GAK: variants seen among roughly 807,000 people sequenced by gnomAD.
GAK encodes cyclin G associated kinase.
GAK carries 79 observed loss-of-function variants against 143.9 expected under a neutral mutation model. The ratio of observed to expected loss-of-function variants is 0.55; its 90% confidence interval spans 0.46 to 0.66. GAK has a LOEUF of 0.66. Among genes scored for constraint, GAK ranks in the 30% least tolerant of loss-of-function variants. The probability of loss-of-function intolerance (pLI) is 0.00; values close to 1 mark genes in which losing one functional copy is unlikely to be tolerated. For missense variants in GAK, 1,693 were observed against 1,779.7 expected (o/e 0.95, Z 0.88); for synonymous variants, 881 against 765.5 (o/e 1.15, Z -2.49).
chr4:866,932 C>G (rs553049253), intron 21 of GAK, 24 bp downstream of exon 21: 6 of 1,422,998 alleles, frequency 4.2e-6, no homozygotes, highest in Non-Finnish European at 4.7e-6. Context: ...TGAAGCCACT[C>G]GCCTTCAGAA....
chr4:884,261 G>A (rs1279619675), intron 11 of GAK, 175 bp from the exon 12 acceptor site: 10 of 593,120 alleles, frequency 1.7e-5, no homozygotes, highest in East Asian at 2.9e-5. Flanking sequence ...GGCTGTGTGC[G>A]TGCTGTGGAG....
intron 24 of GAK, among the ~76,000 whole-genome samples, chr4:855,888 G>C (rs1035928990): frequency 1.3e-5 from 2 of 152,230 alleles, no homozygotes; most frequent in Admixed American, 6.5e-5. Context: ...CTGGGAGGTG[G>C]AGGTTGCAGT....
intron 19 of GAK, among the ~76,000 whole-genome samples, 166 bp downstream of exon 19, chr4:870,545 A>G (rs1446386971): frequency 6.6e-6 from 1 of 152,164 alleles, no homozygotes; most frequent in East Asian, 1.9e-4. Context: ...GTGGTGTCCA[A>G]CATCCACGAC....
intron 3 of GAK, 50 bp from the exon 4 acceptor site, chr4:911,837 T>C (rs1180648367): frequency 7.4e-7 from 1 of 1,356,886 alleles, no homozygotes; most frequent in Non-Finnish European, 1.1e-6. Context: ...TCCACAGTTC[T>C]GTGCACTTCA....
At chr4:912,267 C>A in intron 3 of GAK, 1 of 422,374 alleles carries the variant, frequency 2.4e-6, no homozygotes, top group Admixed American at 2.5e-5. Context: ...GGGAGTGCAG[C>A]CCCCAGATCC....
Position 851,858 on chromosome 4 carries a change from G to A in GAK, c.3400C>T (p.Gln1134Ter). 1 of 1,609,366 alleles carries A rather than the reference G, an allele frequency of 6.2e-7. No homozygotes were observed. The highest frequency in any genetic ancestry group is 8.5e-7 in the Non-Finnish European group (1 of 1,177,178). The part of the protein sequence containing the change: ...PPAQGASWPP[Q>*]AKPPPKACTQ... ...CAGGCTTTGGGGGGCGGCTTGGCCT[G>A]AGGGGGCCATGAGGCGCCCTGGGCT... Residue 1134 changes from glutamine to a stop codon, truncating the protein, a stop_gained, in exon 25 of 28, where the codon CAG becomes TAG. Coordinates refer to ENST00000314167, the MANE Select transcript of GAK (RefSeq NM_005255.4). LOFTEE classifies it high-confidence loss of function.
In GAK at chr4:865,165, G is replaced by A. The variant is rs763290958; in HGVS notation, c.3123C>T (p.Thr1041=). 37 of 1,612,224 alleles carry A rather than the reference G, an allele frequency of 2.3e-5. No homozygotes were observed. The highest frequency in any genetic ancestry group is 3.3e-5 in the Admixed American group (2 of 59,950). The part of the protein sequence containing the change: ...PDLLGGWAAW[T]ETAASAVAPT... Reference sequence around the variant, plus strand: ...GGGCCACTGCCGATGCTGCAGTCTCGGTCCAGGCAGCCCATCCTCCCAGCA... The same window carrying A: ...GGGCCACTGCCGATGCTGCAGTCTCAGTCCAGGCAGCCCATCCTCCCAGCA... Residue 1041 remains threonine (T), a synonymous_variant, in exon 23 of 28, where the codon ACC becomes ACT. Coordinates refer to ENST00000314167, the MANE Select transcript of GAK (RefSeq NM_005255.4).
intron 5 of GAK, among the ~76,000 whole-genome samples, chr4:903,210 A>C (rs3775116): frequency 6.6e-6 from 1 of 151,896 alleles, no homozygotes; most frequent in Non-Finnish European, 1.5e-5. Context: ...TCTGTGTGGC[A>C]GTGTGGTGGG....
At chr4:905,464 A>C (rs1720895548) in intron 4 of GAK, among the ~76,000 whole-genome samples, 2 of 126,382 alleles carry the variant, frequency 1.6e-5, no homozygotes, top group African/African-American at 3.4e-5. Flanking sequence ...GGGCTCCGCC[A>C]CGCCCCATGC....
intron 18 of GAK, among the ~76,000 whole-genome samples, chr4:876,237 G>GT (rs527416682): frequency 2.6e-4 from 40 of 151,610 alleles, no homozygotes; most frequent in Admixed American, 2.2e-3. Context: ...GCTCAGGAAC[G>GT]TTTGCTAAGA....
Position 896,547 on chromosome 4 carries a change from G to T in GAK, c.654C>A (p.Ile218=), listed in dbSNP as rs376555700. 5.0e-5 allele frequency: 80 copies of T among 1,609,162 alleles called. No individual in the cohort carries two copies. Among genetic ancestry groups the T allele is most frequent in the Non-Finnish European group, 6.5e-5 (76 of 1,175,608 alleles). Residue 218 remains isoleucine (I), a splice_region_variant and synonymous_variant, in exon 7 of 28, where the codon ATC becomes ATA. Coordinates refer to ENST00000314167, the MANE Select transcript of GAK (RefSeq NM_005255.4). ...AQRRALVEEE[I]TRNTTPMYRT... ...TATACATTGGTGTTGTATTCCTCGT[G>T]ATCTGAAAAAATACAAACATTTCAA...
intron 24 of GAK, chr4:859,118 G>A (rs1405912668): frequency 2.1e-6 from 2 of 972,188 alleles, no homozygotes; most frequent in Non-Finnish European, 2.4e-6. Context: ...GAGACTTGAA[G>A]CCACAGCGCC....
intron 20 of GAK, 133 bp downstream of exon 20, chr4:868,406 G>T: frequency 1.3e-6 from 1 of 760,942 alleles, no homozygotes; most frequent in Non-Finnish European, 2.1e-6. Context: ...GACATGCCGG[G>T]TGCACAGCCC....
At chr4:876,956 CAT>C (rs1257298627) in intron 17 of GAK, 132 bp downstream of exon 17, 10 of 646,858 alleles carry the variant, frequency 1.5e-5, no homozygotes, top group Non-Finnish European at 1.9e-5. Context: ...GCAGTCGCCA[CAT>C]GAGAGCCCAC....
intron 1 of GAK, among the ~76,000 whole-genome samples, chr4:928,816 T>G (rs575235994): frequency 6.6e-6 from 1 of 152,166 alleles, no homozygotes; most frequent in East Asian, 1.9e-4. Flanking sequence ...CAGGCTGGAG[T>G]GCAATGGCGT....
intron 1 of GAK, among the ~76,000 whole-genome samples, chr4:924,176 C>CAA (rs71640369): frequency 0.32 from 31,758 of 99,448 alleles, 5,286 homozygotes; most frequent in Non-Finnish European, 0.35. Flanking sequence ...GACTCCCTCT[C>CAA]AAAAAAAAAA....
chr4:929,432 C>A (rs1484483452), intron 1 of GAK, among the ~76,000 whole-genome samples: 1 of 152,224 alleles, frequency 6.6e-6, no homozygotes, highest in Non-Finnish European at 1.5e-5. Flanking sequence ...GATTTCCCTG[C>A]AGTCAGGGCA....
chr4:866,930 C>T (rs766891015), intron 21 of GAK, 26 bp downstream of exon 21: 2 of 1,421,400 alleles, frequency 1.4e-6, no homozygotes, highest in East Asian at 2.4e-5. Flanking sequence ...TGTGAAGCCA[C>T]TCGCCTTCAG....
chr4:920,887 G>C (rs779330805), intron 1 of GAK, among the ~76,000 whole-genome samples: 12 of 152,112 alleles, frequency 7.9e-5, no homozygotes, highest in Non-Finnish European at 1.3e-4. Flanking sequence ...CTGGATAGTA[G>C]GACATAGGTG....
Sources: gnomAD v4.1 joint callset for allele counts (sites outside exome capture counted in the v4.1 genomes callset) on GRCh38, gnomAD v4.1.1 for gene constraint, MANE v1.5 for transcripts, NCBI Gene and HGNC (gene_info 2026-07-23, HGNC 2026-07-21) for gene names.